MACROD1: variants seen among roughly 807,000 people sequenced by gnomAD.
The protein encoded by MACROD1 is mono-ADP ribosylhydrolase 1, also known as ADP-ribose glycohydrolase MACROD1.
In MACROD1, 31 loss-of-function variants were observed where a neutral mutation model predicts 41.4. That is an observed-to-expected ratio of 0.75 (90% confidence interval 0.56 to 1.01). MACROD1 has a LOEUF of 1.01. Among genes scored for constraint, MACROD1 ranks in the 50% least tolerant of loss-of-function variants. The pLI is 0.00. For missense variants in MACROD1, 473 were observed against 460.0 expected (o/e 1.03, Z -0.26); for synonymous variants, 252 against 203.4 (o/e 1.24, Z -2.03).
chr11:64,131,856 TCTC>T (rs1945270996), intron 3 of MACROD1, among the ~76,000 whole-genome samples: 1 of 151,430 alleles, frequency 6.6e-6, no homozygotes, highest in African/African-American at 2.4e-5. Flanking sequence ...TTGATGAAAA[TCTC>T]CTACAGGCAA....
chr11:64,008,749 G>C (rs938628557), intron 4 of MACROD1, among the ~76,000 whole-genome samples: 1 of 152,158 alleles, frequency 6.6e-6, no homozygotes, highest in Non-Finnish European at 1.5e-5. Flanking sequence ...AGGCAGGCTC[G>C]GCTCCTGCAG....
At chr11:64,013,920 A>G (rs747051752) in intron 4 of MACROD1, among the ~76,000 whole-genome samples, 132 of 152,048 alleles carry the variant, frequency 8.7e-4, no homozygotes, top group Non-Finnish European at 1.8e-3. Context: ...ACCTCCTTCT[A>G]GAAGCCTTCC....
In MACROD1 at chr11:64,082,289, CTG is replaced by C. The variant is rs752983429; in HGVS notation, c.518-67010_518-67009del. On this transcript the variant is annotated intron_variant, in intron 3 of 10. Transcript: ENST00000255681. This position sits in a 1 kb window ranked among gnomAD's most constrained non-coding sequence, Gnocchi z 4.5. ...TGGGGGGTGGAGAAAATCTTGCCTC[CTG>C]CTCTGAGCAGCCAGCAGAGACGCTG... 1.7e-4 allele frequency among the ~76,000 whole-genome samples: 26 copies of C among 152,246 alleles called. No homozygotes were observed. Among genetic ancestry groups the C allele is most frequent in the Admixed American group, 3.9e-4 (6 of 15,308 alleles).
At chr11:64,015,332 G>C in intron 3 of MACROD1, 51 bp from the exon 4 acceptor site, 1 of 1,559,436 alleles carries the variant, frequency 6.4e-7, no homozygotes, top group Non-Finnish European at 8.7e-7. Context: ...GCTGCGGCGG[G>C]AGTATCAGCC....
intron 4 of MACROD1, among the ~76,000 whole-genome samples, chr11:64,011,261 G>A (rs967853245): frequency 6.6e-6 from 1 of 150,758 alleles, no homozygotes; most frequent in East Asian, 2.0e-4. Context: ...CTGGTGTATT[G>A]TTTGGGGTGT....
rs570152218 is a variant in MACROD1, at chr11:64,064,495, A to G, written c.518-49214T>C. ...ACCGGAGGCCTCAGGCCTGCCCCGG[A>G]TGGGCACGCAGGCAGGGTGCATATG... is the stretch of plus-strand genomic sequence containing the variant. On this transcript the variant is annotated intron_variant, in intron 3 of 10. Transcript: ENST00000255681. The surrounding 1 kb of genome is among the most constrained non-coding windows in gnomAD (Gnocchi z 4.5). 6.6e-6 allele frequency among the ~76,000 whole-genome samples: 1 copy of G among 151,966 alleles called. No individual in the cohort carries two copies. The highest frequency in any genetic ancestry group is 2.4e-5 in the African/African-American group (1 of 41,388).
chr11:64,069,118 G>A (rs1944058864), intron 3 of MACROD1, among the ~76,000 whole-genome samples: 1 of 152,210 alleles, frequency 6.6e-6, no homozygotes, highest in Non-Finnish European at 1.5e-5. Flanking sequence ...GGGTGTGAGG[G>A]TGACGGTGTC....
Position 64,152,276 on chromosome 11 carries a change from C to T in MACROD1, c.400+16G>A, listed in dbSNP as rs553552605. Reference sequence around the variant, plus strand: ...CTGGAGCCTGCCCACCAGGGCCTCCCCCGAGCAGGGCCTACCTTTCGCCAT... The same window carrying T: ...CTGGAGCCTGCCCACCAGGGCCTCCTCCGAGCAGGGCCTACCTTTCGCCAT... On this transcript the variant is annotated intron_variant, in intron 2 of 10. Coordinates refer to ENST00000255681, the MANE Select transcript of MACROD1 (RefSeq NM_014067.4). The T allele has an allele frequency of 6.2e-7, 1 of 1,613,168 alleles. No individual in the cohort carries two copies. The highest frequency in any genetic ancestry group is 1.3e-5 in the African/African-American group (1 of 75,048).
chr11:64,081,536 G>A (rs1944303579), intron 3 of MACROD1, among the ~76,000 whole-genome samples: 1 of 152,108 alleles, frequency 6.6e-6, no homozygotes. Flanking sequence ...ACACCCCCCC[G>A]ACCCCATCGC....
At chr11:64,085,677 C>T (rs976987635) in intron 3 of MACROD1, among the ~76,000 whole-genome samples, 6 of 152,172 alleles carry the variant, frequency 3.9e-5, no homozygotes, top group African/African-American at 1.2e-4. Flanking sequence ...GGAAGTGGGA[C>T]GGTCACCCAC....
intron 3 of MACROD1, among the ~76,000 whole-genome samples, chr11:64,047,913 AAAGG>A (rs1943615575): frequency 6.6e-6 from 1 of 151,664 alleles, no homozygotes; most frequent in East Asian, 1.9e-4. Context: ...AAAAAAAAAA[AAAGG>A]AAGGAAGCAG....
At chr11:64,121,703 A>G (rs1477391416) in intron 3 of MACROD1, among the ~76,000 whole-genome samples, 1 of 152,202 alleles carries the variant, frequency 6.6e-6, no homozygotes, top group Non-Finnish European at 1.5e-5. Flanking sequence ...CAGCCTGTCT[A>G]AATTCTCCCG....
chr11:64,157,133 C>T (rs1945681493), intron 1 of MACROD1, among the ~76,000 whole-genome samples: 3 of 152,124 alleles, frequency 2.0e-5, no homozygotes, highest in East Asian at 3.9e-4. Flanking sequence ...CACTCTGTCA[C>T]CCAGGCTGGA....
At chr11:64,102,838 G>A (rs1944693736) in intron 3 of MACROD1, among the ~76,000 whole-genome samples, 1 of 152,144 alleles carries the variant, frequency 6.6e-6, no homozygotes, top group African/African-American at 2.4e-5. Flanking sequence ...GGGAGGCCGA[G>A]GTGGGCGGAT....
chr11:64,010,921 A>AGGGTGTTGGCTGGCATGTTGGTTG (rs1943003413), intron 4 of MACROD1, among the ~76,000 whole-genome samples: 2 of 59,422 alleles, frequency 3.4e-5, no homozygotes, highest in Non-Finnish European at 6.5e-5. Context: ...GGTGTTGGCC[A>AGGGTGTTGGCTGGCATGTTGGTTG]GGGTGTTGGC....
intron 3 of MACROD1, among the ~76,000 whole-genome samples, chr11:64,094,612 T>C (rs763701818): frequency 1.3e-5 from 2 of 152,046 alleles, no homozygotes; most frequent in Non-Finnish European, 2.9e-5. Context: ...GGCAGAGCCA[T>C]TGGGTCGCGT....
At chr11:64,070,431 G>A (rs1003940260) in intron 3 of MACROD1, among the ~76,000 whole-genome samples, 12 of 152,180 alleles carry the variant, frequency 7.9e-5, no homozygotes, top group Admixed American at 2.0e-4. Flanking sequence ...AGAGGCCTCC[G>A]GGAGGGACTG....
intron 3 of MACROD1, chr11:64,138,440 T>G: frequency 1.1e-6 from 1 of 893,026 alleles, no homozygotes; most frequent in Non-Finnish European, 1.3e-6. Flanking sequence ...TTCTGGGCCA[T>G]TTGCTTCGTA....
At chr11:64,035,890 C>T (rs936290084) in intron 3 of MACROD1, 6 of 146,588 alleles carry the variant, frequency 4.1e-5, no homozygotes, top group African/African-American at 1.5e-4. Context: ...GCCGAGCGCA[C>T]CCGCCCGGGC....
Sources: gnomAD v4.1 joint callset for allele counts (sites outside exome capture counted in the v4.1 genomes callset) on GRCh38, gnomAD v4.1.1 for gene constraint, Gnocchi (gnomAD v3.1) non-coding constraint, MANE v1.5 for transcripts, NCBI Gene and HGNC (gene_info 2026-07-23, HGNC 2026-07-21) for gene names.